SLTM: variants seen among roughly 807,000 people sequenced by gnomAD.
The protein encoded by SLTM is SAFB-like transcription modulator.
SLTM carries 43 observed loss-of-function variants against 134.6 expected under a neutral mutation model. That is an observed-to-expected ratio of 0.32 (90% CI 0.25 to 0.41). The LOEUF (loss-of-function observed/expected upper bound fraction) is 0.41. Among genes scored for constraint, SLTM ranks in the 10% least tolerant of loss-of-function variants. The pLI, the probability that SLTM is intolerant of heterozygous loss-of-function variation, is 1.00. For synonymous variants in SLTM, 424 were observed against 432.3 expected (o/e 0.98, Z 0.24); for missense variants, 1,055 against 1,288.8 (o/e 0.82, Z 2.78).
chr15:58,906,900 ATTTCCT>A, intron 5 of SLTM, among the ~76,000 whole-genome samples: 1 of 152,336 alleles, frequency 6.6e-6, no homozygotes, highest in Non-Finnish European at 1.5e-5. Context: ...CTCAGAAAAC[ATTTCCT>A]AGTGTGGAGT....
intron 12 of SLTM, among the ~76,000 whole-genome samples, 198 bp downstream of exon 12, chr15:58,893,623 G>A (rs2034838728): frequency 6.6e-6 from 1 of 152,164 alleles, no homozygotes; most frequent in Non-Finnish European, 1.5e-5. Flanking sequence ...TAGCAAAGGA[G>A]CTTAGCTGGA....
intron 5 of SLTM, among the ~76,000 whole-genome samples, chr15:58,904,448 A>T (rs1170340930): frequency 6.6e-6 from 1 of 152,228 alleles, no homozygotes; most frequent in African/African-American, 2.4e-5. Flanking sequence ...GCTCGGCCAT[A>T]AGCTAAGAAG....
rs2034315533 is a variant in SLTM at position 58,887,481 on chromosome 15, T to C, written c.2435A>G (p.Glu812Gly). The C allele has an allele frequency of 6.2e-7, 1 of 1,614,110 alleles. No homozygotes were observed. The change falls in exon 18 of 21, where the codon GAA becomes GGA. Residue 812 changes from glutamate (E) to glycine (G), a missense_variant. Around this residue, in one of 3 missense-constraint regions of SLTM, gnomAD observed 776 missense variants for 962.2 expected, o/e 0.81. Coordinates refer to ENST00000380516, the MANE Select transcript of SLTM (RefSeq NM_024755.4). ...GKKARPTARR[E>G]DPSFERYPKN... ...GGGATATCTTTCGAAGCTTGGATCT[T>C]CCCTTCGTGCAGTAGGTCGTGCTTT...
chr15:58,904,465 A>AACAAT, intron 5 of SLTM, among the ~76,000 whole-genome samples: 1 of 152,206 alleles, frequency 6.6e-6, no homozygotes, highest in African/African-American at 2.4e-5. Context: ...GAAGTAAAAT[A>AACAAT]GTCCAGAACA....
intron 5 of SLTM, among the ~76,000 whole-genome samples, chr15:58,907,563 G>C: frequency 6.6e-6 from 1 of 152,182 alleles, no homozygotes; most frequent in Non-Finnish European, 1.5e-5. Flanking sequence ...CAAGGCTGCA[G>C]TCAGGGGAGA....
intron 2 of SLTM, among the ~76,000 whole-genome samples, chr15:58,924,553 AGAT>A (rs2037328827): frequency 1.3e-5 from 2 of 152,232 alleles, no homozygotes; most frequent in South Asian, 4.1e-4. Flanking sequence ...AAATGTAAGC[AGAT>A]TCACATCAAA....
intron 5 of SLTM, among the ~76,000 whole-genome samples, chr15:58,906,901 T>G (rs921225636): frequency 2.0e-5 from 3 of 152,202 alleles, no homozygotes; most frequent in African/African-American, 7.2e-5. Context: ...TCAGAAAACA[T>G]TTCCTAGTGT....
In SLTM at chr15:58,896,661, A is replaced by C. The variant is rs577400550; in HGVS notation, c.1227+454T>G. On this transcript the variant is annotated intron_variant, in intron 9 of 20. Coordinates refer to ENST00000380516, the MANE Select transcript of SLTM (RefSeq NM_024755.4). Reference sequence around the variant, plus strand: ...CATTCTCATGCCTATATATATAGCCAGTTTTATATTTTTCTCCATTACTGG... The same window carrying C: ...CATTCTCATGCCTATATATATAGCCCGTTTTATATTTTTCTCCATTACTGG... Among the ~76,000 whole-genome samples the C allele has an allele frequency of 2.0e-5, 3 of 152,324 alleles. No individual in the cohort carries two copies. In the South Asian group the frequency reaches 6.2e-4, roughly 32 times the overall value.
intron 16 of SLTM, 140 bp downstream of exon 16, chr15:58,889,290 C>G: frequency 9.2e-7 from 1 of 1,084,636 alleles, no homozygotes; most frequent in South Asian, 1.6e-5. Flanking sequence ...GGGTCTACCC[C>G]AGTACTGTAA....
In SLTM at chr15:58,933,525, G is replaced by A. The variant is rs200359249; in HGVS notation, c.41C>T (p.Ser14Leu). 8.1e-6 allele frequency: 13 copies of A among 1,595,516 alleles called. No individual in the cohort carries two copies. The Admixed American group carries it at 8.6e-5, about 11-fold the overall frequency. Residue 14 changes from serine to leucine, a missense_variant, in exon 1 of 21, where the codon TCG becomes TTG. Physicochemically the swap from Ser to Leu is moderately radical, Grantham distance 145. Transcript: ENST00000380516. ...GATCTTTTTACCTTCCGCCTGACCC[G>A]AGGCGGCCGAGGCTGCCACCGCACC... ...ATGAVAASAA[S>L]GQAEGKKITD...
chr15:58,928,472 T>C (rs966257987), intron 2 of SLTM, among the ~76,000 whole-genome samples: 1 of 152,282 alleles, frequency 6.6e-6, no homozygotes, highest in East Asian at 1.9e-4. Context: ...ATTAACTACA[T>C]GTAAAGGAAT....
At chr15:58,928,310 A>C (rs2037625960) in intron 2 of SLTM, among the ~76,000 whole-genome samples, 1 of 152,206 alleles carries the variant, frequency 6.6e-6, no homozygotes, top group Admixed American at 6.5e-5. Flanking sequence ...AGTTAGCTCT[A>C]CCTGTTTAAC....
intron 2 of SLTM, among the ~76,000 whole-genome samples, chr15:58,929,246 T>C (rs376860311): frequency 6.6e-6 from 1 of 151,384 alleles, no homozygotes; most frequent in African/African-American, 2.4e-5. Context: ...AGGTTGGGAG[T>C]TCAAGACAAG....
chr15:58,905,620 G>A (rs550849569), intron 5 of SLTM, among the ~76,000 whole-genome samples: 13 of 152,014 alleles, frequency 8.6e-5, no homozygotes, highest in East Asian at 1.9e-4. Context: ...CCTCAGATGC[G>A]AAGAGCACAC....
chr15:58,933,349 G>A, intron 1 of SLTM, 55 bp downstream of exon 1: 5 of 1,505,222 alleles, frequency 3.3e-6, no homozygotes, highest in Non-Finnish European at 4.5e-6. Flanking sequence ...GCGGGGCGCC[G>A]AGGCGCGGCC....
At chr15:58,910,266 A>G (rs753312653) in intron 5 of SLTM, among the ~76,000 whole-genome samples, 1 of 152,196 alleles carries the variant, frequency 6.6e-6, no homozygotes, top group Admixed American at 6.5e-5. Context: ...AAGCGAGGTG[A>G]TTGTTACACT....
intron 16 of SLTM, 53 bp from the exon 17 acceptor site, chr15:58,888,608 C>T (rs764066323): frequency 4.4e-6 from 7 of 1,576,440 alleles, no homozygotes; most frequent in East Asian, 2.2e-5. Context: ...AGTAATCAAA[C>T]GACATTTACT....
rs186777338 is a variant in SLTM at position 58,913,317 on chromosome 15, T to C, written c.513+182A>G. 1.1e-3 allele frequency among the ~76,000 whole-genome samples: 163 copies of C among 152,274 alleles called. 1 individual carries two copies. Among genetic ancestry groups the C allele is most frequent in the Middle Eastern group, 3.4e-3 (1 of 294 alleles). ...CAACTATGTATAAATATATATTATA[T>C]GAAATAAGCAAAAATTTAAAAGGTT... On this transcript the variant is annotated intron_variant, in intron 4 of 20. Coordinates refer to ENST00000380516, the MANE Select transcript of SLTM (RefSeq NM_024755.4).
At chr15:58,894,705 GTTTTT>G (rs3052966) in intron 9 of SLTM, 123 bp from the exon 10 acceptor site, 10 of 518,326 alleles carry the variant, frequency 1.9e-5, no homozygotes, top group East Asian at 8.0e-5. Flanking sequence ...TCTGTCTCAT[GTTTTT>G]TTTTTTTTTT....
Sources: gnomAD v4.1 joint callset for allele counts (sites outside exome capture counted in the v4.1 genomes callset) on GRCh38, gnomAD v4.1.1 for gene constraint, gnomAD v4.1.1 regional missense constraint, MANE v1.5 for transcripts, NCBI Gene and HGNC (gene_info 2026-07-23, HGNC 2026-07-21) for gene names.